The following PAQR5 variants were observed in gnomAD, a reference collection of about 807,000 sequenced individuals.
The protein encoded by PAQR5 is progestin and adipoQ receptor family member 5, also known as membrane progestin receptor gamma.
PAQR5 carries 20 observed loss-of-function variants against 34.5 expected under a neutral mutation model. The ratio of observed to expected loss-of-function variants is 0.58; its 90% CI spans 0.41 to 0.84. The LOEUF (loss-of-function observed/expected upper bound fraction) is 0.84. Among genes scored for constraint, PAQR5 ranks in the 40% least tolerant of loss-of-function variants. The pLI is 0.00. For synonymous variants in PAQR5, 131 were observed against 155.6 expected (o/e 0.84, Z 1.18); for missense variants, 378 against 412.7 (o/e 0.92, Z 0.73).
Position 69,403,591 on chromosome 15 carries a change from C to A in PAQR5, c.762C>A (p.His254Gln). The A allele has an allele frequency of 6.2e-7, 1 of 1,614,124 alleles. No homozygotes were observed. ...TTGTGTTTGCCATAGGTCACAGTCACCAGCTGTTTCACGTGTGTGTGATCC... is the reference window on the plus strand; with the variant it reads ...TTGTGTTTGCCATAGGTCACAGTCAACAGCTGTTTCACGTGTGTGTGATCC... Reference protein sequence around the residue: ...PGRFDYIGHSHQLFHVCVILA... With the variant: ...PGRFDYIGHSQQLFHVCVILA... The change falls in exon 9 of 9, where the codon CAC (histidine) becomes CAA (glutamine). Residue 254 changes from histidine to glutamine, a missense_variant. Coordinates refer to ENST00000395407, the MANE Select transcript of PAQR5 (RefSeq NM_017705.4).
chr15:69,334,837 G>A (rs2054474148), intron 1 of PAQR5, among the ~76,000 whole-genome samples: 1 of 152,160 alleles, frequency 6.6e-6, no homozygotes, highest in Non-Finnish European at 1.5e-5. Context: ...AAGAGTAATG[G>A]AACAAAACTG....
At chr15:69,370,330 C>G (rs190435474) in intron 3 of PAQR5, among the ~76,000 whole-genome samples, 1 of 152,126 alleles carries the variant, frequency 6.6e-6, no homozygotes, top group Non-Finnish European at 1.5e-5. Context: ...CCTTGTCTTG[C>G]CATGCTCTCA....
chr15:69,360,410 T>G (rs1258390072), intron 3 of PAQR5, among the ~76,000 whole-genome samples: 1 of 152,238 alleles, frequency 6.6e-6, no homozygotes, highest in East Asian at 1.9e-4. Context: ...CCTGAAGAGA[T>G]AAAGCCAGCA....
At chr15:69,369,019 A>T (rs1400472177) in intron 3 of PAQR5, among the ~76,000 whole-genome samples, 1 of 152,152 alleles carries the variant, frequency 6.6e-6, no homozygotes, top group African/African-American at 2.4e-5. Flanking sequence ...AAATCCACCC[A>T]CCACGGCCCC....
chr15:69,347,459 C>T (rs1567012440), intron 2 of PAQR5, among the ~76,000 whole-genome samples: 1 of 152,166 alleles, frequency 6.6e-6, no homozygotes. Context: ...TAAAAGGAAA[C>T]TTACACCCCA....
chr15:69,369,976 G>A (rs560537945), intron 3 of PAQR5, among the ~76,000 whole-genome samples: 10 of 152,156 alleles, frequency 6.6e-5, no homozygotes, highest in African/African-American at 2.4e-4. Context: ...CTCTGTTTTG[G>A]GGCTTTGTGA....
intron 2 of PAQR5, among the ~76,000 whole-genome samples, chr15:69,350,304 A>G (rs921172991): frequency 7.2e-5 from 11 of 152,360 alleles, no homozygotes; most frequent in African/African-American, 2.6e-4. Context: ...CTTGATCTGT[A>G]TAAGCAGACA....
intron 1 of PAQR5, among the ~76,000 whole-genome samples, chr15:69,328,280 T>C (rs937378821): frequency 1.3e-5 from 2 of 152,218 alleles, no homozygotes; most frequent in Admixed American, 1.3e-4. Flanking sequence ...CATTTAATCT[T>C]CATGCAGTTT....
rs1566997864 is a variant in PAQR5, at chr15:69,322,757, A to AGAAGAAGACGAG, written c.-276-14576_-276-14575insCGAGGAAGAAGA. 1.2e-3 allele frequency among the ~76,000 whole-genome samples: 33 copies of AGAAGAAGACGAG among 28,382 alleles called. 6 individuals carry two copies. Among genetic ancestry groups the AGAAGAAGACGAG allele is most frequent in the East Asian group, 0.011 (8 of 720 alleles). The allele number at this position is 28,382 out of a possible 152,430, so 18.6% of individuals were successfully genotyped here. A position where few individuals can be genotyped will look rare whatever the true frequency, so the allele number is the denominator to read the frequency against. On this transcript the variant is annotated intron_variant, in intron 1 of 8. Transcript: ENST00000395407. ...AAGAAGAAGAAGAAGAAGAAGAAGA[A>AGAAGAAGACGAG]GAAGAAGAAGAAGAGGGAGAAGAAG... is the stretch of plus-strand genomic sequence containing the variant.
rs113739745 is a variant in PAQR5, at chr15:69,389,688, G to A, written c.420G>A (p.Pro140=). The change falls in exon 6 of 9, where the codon CCG becomes CCA. Residue 140 remains proline (P), a synonymous_variant. Coordinates refer to ENST00000395407, the MANE Select transcript of PAQR5 (RefSeq NM_017705.4). ...SAIAYSAYTF[P]DALMCTTFHD... ...TTGCCTACTCTGCATACACGTTCCC[G>A]GATGCGCTCATGTGCACCACTTTCC... The A allele has an allele frequency of 4.1e-4, 668 of 1,614,172 alleles. No homozygotes were observed. The Middle Eastern group carries it at 4.5e-3, about 11-fold the overall frequency.
At chr15:69,360,487 G>A (rs1024603132) in intron 3 of PAQR5, among the ~76,000 whole-genome samples, 1 of 152,170 alleles carries the variant, frequency 6.6e-6, no homozygotes, top group Non-Finnish European at 1.5e-5. Flanking sequence ...GCAGGCTATG[G>A]GCAAAGGCAC....
chr15:69,370,102 C>T (rs1216698304), intron 3 of PAQR5, among the ~76,000 whole-genome samples: 1 of 152,216 alleles, frequency 6.6e-6, no homozygotes, highest in Non-Finnish European at 1.5e-5. Context: ...GACCATCATT[C>T]GGCCAGAACT....
intron 2 of PAQR5, among the ~76,000 whole-genome samples, chr15:69,356,960 T>TG (rs2140826321): frequency 6.6e-6 from 1 of 152,102 alleles, no homozygotes; most frequent in Admixed American, 6.5e-5. Flanking sequence ...GTTTGTATCA[T>TG]GGGGGCAGAT....
chr15:69,322,915 C>T (rs535241873), intron 1 of PAQR5, among the ~76,000 whole-genome samples: 1 of 149,182 alleles, frequency 6.7e-6, no homozygotes, highest in East Asian at 2.1e-4. Flanking sequence ...ATAACGAGCA[C>T]AAAGAGCGCA....
At chr15:69,322,967 A>C (rs909754884) in intron 1 of PAQR5, among the ~76,000 whole-genome samples, 1 of 148,250 alleles carries the variant, frequency 6.7e-6, no homozygotes, top group African/African-American at 2.5e-5. Context: ...CCGAGATGAC[A>C]GGAGGGCAGG....
chr15:69,386,153 A>G (rs2056101714), intron 5 of PAQR5, among the ~76,000 whole-genome samples: 1 of 151,506 alleles, frequency 6.6e-6, no homozygotes. Context: ...CTCACACCAC[A>G]TACACACTCA....
At chr15:69,402,080 C>T (rs1171688487) in intron 8 of PAQR5, among the ~76,000 whole-genome samples, 3 of 152,088 alleles carry the variant, frequency 2.0e-5, no homozygotes, top group South Asian at 2.1e-4. Context: ...TTATTTAACT[C>T]TTATGCTGCA....
At position 69,359,989 on chromosome 15, in the gene PAQR5, G is replaced by T; in HGVS notation, c.-92G>T. 2 of 963,432 alleles carry T rather than the reference G, an allele frequency of 2.1e-6. No homozygotes were observed. The highest frequency in any genetic ancestry group is 1.7e-6 in the Non-Finnish European group (1 of 599,724). 59.7% of individuals were successfully genotyped at this position (963,432 alleles called of 1,614,324 possible). A position where few individuals can be genotyped will look rare whatever the true frequency, so the allele number is the denominator to read the frequency against. ...AGGGAAGCGGCACAGCACCAGCTAG[G>T]CAGAGACGCCCCAGGCCATGTTAGA... On this transcript the variant is annotated 5_prime_UTR_variant, in exon 3 of 9. Transcript: ENST00000395407.
chr15:69,361,172 T>C (rs571824519), intron 3 of PAQR5, among the ~76,000 whole-genome samples: 1 of 152,326 alleles, frequency 6.6e-6, no homozygotes, highest in African/African-American at 2.4e-5. Context: ...CTCCTTTTGG[T>C]GCACTTTGCT....
Sources: gnomAD v4.1 joint callset for allele counts (sites outside exome capture counted in the v4.1 genomes callset) on GRCh38, gnomAD v4.1.1 for gene constraint, MANE v1.5 for transcripts, NCBI Gene and HGNC (gene_info 2026-07-23, HGNC 2026-07-21) for gene names.